The following CCDC91 variants were observed in gnomAD, a reference collection of about 807,000 sequenced individuals.
CCDC91 encodes coiled-coil domain-containing protein 91.
A neutral mutation model predicts 63.2 loss-of-function variants in CCDC91; 48 were observed. That is an observed-to-expected ratio of 0.76 (90% CI 0.60 to 0.97). The LOEUF (loss-of-function observed/expected upper bound fraction) is 0.97, where lower values mean the gene tolerates loss of function less well. CCDC91 is among the 50% of genes least tolerant of loss of function. CCDC91 has a pLI of 0.00. For missense variants in CCDC91, 500 were observed against 494.6 expected (o/e 1.01, Z -0.10); for synonymous variants, 167 against 165.8 (o/e 1.01, Z -0.06).
At chr12:28,279,497 C>G (rs1592186743) in intron 3 of CCDC91, among the ~76,000 whole-genome samples, 1 of 152,048 alleles carries the variant, frequency 6.6e-6, no homozygotes, top group Non-Finnish European at 1.5e-5. Context: ...TTCCACTGAA[C>G]TAAACCATGC....
chr12:28,533,523 T>C (rs1423960942), intron 12 of CCDC91, among the ~76,000 whole-genome samples: 1 of 152,082 alleles, frequency 6.6e-6, no homozygotes, highest in Non-Finnish European at 1.5e-5. Context: ...AAACCACACT[T>C]AAATTACTTA....
At chr12:28,390,608 T>G (rs1945872113) in intron 7 of CCDC91, among the ~76,000 whole-genome samples, 1 of 152,098 alleles carries the variant, frequency 6.6e-6, no homozygotes, top group African/African-American at 2.4e-5. Flanking sequence ...AGTGGTAATA[T>G]CTTTATATTT....
intron 12 of CCDC91, among the ~76,000 whole-genome samples, chr12:28,539,888 G>A (rs1347387141): frequency 6.6e-6 from 1 of 152,098 alleles, no homozygotes; most frequent in African/African-American, 2.4e-5. Context: ...GTAAAATCCT[G>A]AATGATGAGG....
At chr12:28,386,952 ATGT>A (rs1945641555) in intron 7 of CCDC91, among the ~76,000 whole-genome samples, 2 of 152,072 alleles carry the variant, frequency 1.3e-5, no homozygotes, top group South Asian at 4.1e-4. Context: ...TCTTTTTTTA[ATGT>A]TGTAGAAGCT....
chr12:28,361,857 T>C (rs886241633), intron 6 of CCDC91, among the ~76,000 whole-genome samples: 2 of 134,906 alleles, frequency 1.5e-5, no homozygotes, highest in Non-Finnish European at 3.2e-5. Flanking sequence ...TTTTGTCTTA[T>C]CTGTTTTCTG....
chr12:28,345,952 GAAC>G lies in CCDC91; in HGVS notation c.577-16482_577-16480del, dbSNP rs1299986134. ...ATATTATGATTAATTTTTTCTTCCT[GAAC>G]AACTTTTTATCTTTAAATGAATATT... On this transcript the variant is annotated intron_variant, in intron 6 of 12. Coordinates refer to ENST00000536442, the MANE Select transcript of CCDC91 (RefSeq NM_018318.5). Among the ~76,000 whole-genome samples the G allele has an allele frequency of 8.6e-5, 13 of 151,790 alleles. 1 individual carries two copies. The highest frequency in any genetic ancestry group is 7.2e-4 in the Admixed American group (11 of 15,234).
intron 2 of CCDC91, 127 bp from the exon 3 acceptor site, chr12:28,259,237 T>A: frequency 1.5e-6 from 1 of 682,030 alleles, no homozygotes; most frequent in Non-Finnish European, 2.6e-6. Context: ...AAAGCAGTTA[T>A]TTAGAGGGAA....
chr12:28,359,021 G>A (rs371399478), intron 6 of CCDC91, among the ~76,000 whole-genome samples: 3 of 151,954 alleles, frequency 2.0e-5, no homozygotes, highest in Non-Finnish European at 2.9e-5. Context: ...TCAGCCTCCC[G>A]AGTAGCTGGG....
intron 6 of CCDC91, among the ~76,000 whole-genome samples, chr12:28,341,145 G>A (rs746177663): frequency 1.3e-5 from 2 of 152,188 alleles, no homozygotes; most frequent in Admixed American, 6.5e-5. Flanking sequence ...TCAACGTCCA[G>A]CCACTACATC....
intron 5 of CCDC91, 118 bp downstream of exon 5, chr12:28,307,063 G>A: frequency 1.5e-6 from 1 of 682,940 alleles, no homozygotes; most frequent in Non-Finnish European, 2.4e-6. Flanking sequence ...CTTGGTTGTA[G>A]GTTTAAAGCA....
At chr12:28,469,040 C>T (rs1950679079) in intron 11 of CCDC91, among the ~76,000 whole-genome samples, 1 of 151,996 alleles carries the variant, frequency 6.6e-6, no homozygotes, top group Non-Finnish European at 1.5e-5. Flanking sequence ...AACAGGGATG[C>T]CACTGTCATC....
At chr12:28,520,621 G>T (rs1469711885) in intron 12 of CCDC91, among the ~76,000 whole-genome samples, 1 of 152,114 alleles carries the variant, frequency 6.6e-6, no homozygotes, top group East Asian at 1.9e-4. Context: ...ATTGCTTTCG[G>T]TGTTTTAGAC....
At chr12:28,190,819 C>T (rs1343345457) in intron 1 of CCDC91, 178 bp downstream of exon 1, 1 of 152,270 alleles carries the variant, frequency 6.6e-6, no homozygotes, top group Non-Finnish European at 1.5e-5. Flanking sequence ...GACCAACCTC[C>T]TGCGGGAACG....
intron 11 of CCDC91, among the ~76,000 whole-genome samples, chr12:28,459,350 A>G (rs1338808866): frequency 6.6e-6 from 1 of 152,148 alleles, no homozygotes; most frequent in Non-Finnish European, 1.5e-5. Context: ...GCACCTTGAA[A>G]GGAGGAGCTG....
intron 1 of CCDC91, among the ~76,000 whole-genome samples, chr12:28,246,258 A>C (rs1945723832): frequency 6.6e-6 from 1 of 152,170 alleles, no homozygotes; most frequent in Admixed American, 6.5e-5. Context: ...ATGAAAAAAT[A>C]AATTAAGGAT....
intron 12 of CCDC91, among the ~76,000 whole-genome samples, chr12:28,531,688 G>A (rs1384043308): frequency 6.6e-6 from 1 of 152,078 alleles, no homozygotes; most frequent in Non-Finnish European, 1.5e-5. Flanking sequence ...GTTTTTTGGA[G>A]CAATTGCTAA....
chr12:28,501,987 T>A (rs990710472), intron 12 of CCDC91, among the ~76,000 whole-genome samples: 6 of 152,084 alleles, frequency 3.9e-5, no homozygotes, highest in African/African-American at 1.4e-4. Context: ...TTCTAGTTTA[T>A]TTGCATATAG....
intron 11 of CCDC91, among the ~76,000 whole-genome samples, chr12:28,470,520 G>T (rs1950764004): frequency 6.6e-6 from 1 of 151,996 alleles, no homozygotes; most frequent in Non-Finnish European, 1.5e-5. Context: ...TGTGGAGAAG[G>T]GTTTGGAGGT....
At position 28,338,660 on chromosome 12, in the gene CCDC91, A is replaced by C. The variant is rs1042027914; in HGVS notation, c.577-23778A>C. Among the ~76,000 whole-genome samples, 3 of 151,960 alleles carry C rather than the reference A, an allele frequency of 2.0e-5. No homozygotes were observed. The South Asian group carries it at 6.2e-4, about 32-fold the overall frequency. On this transcript the variant is annotated intron_variant, in intron 6 of 12. Transcript: ENST00000536442. ...AAACAAGAGTGCCATGATTGTCATG[A>C]ATTAAAAAAAAAAATCACTCTGACC... is the stretch of plus-strand genomic sequence containing the variant.
Sources: gnomAD v4.1 joint callset for allele counts (sites outside exome capture counted in the v4.1 genomes callset) on GRCh38, gnomAD v4.1.1 for gene constraint, MANE v1.5 for transcripts, NCBI Gene and HGNC (gene_info 2026-07-23, HGNC 2026-07-21) for gene names.